CIDEA: variants seen among roughly 807,000 people sequenced by gnomAD.
CIDEA encodes cell death inducing DFFA like effector a, also known as lipid transferase CIDEA.
A neutral mutation model predicts 18.2 loss-of-function variants in CIDEA; 10 were observed. That is an observed-to-expected ratio of 0.55 (90% CI 0.34 to 0.93). The LOEUF (loss-of-function observed/expected upper bound fraction) is 0.93. CIDEA is among the 40% of genes least tolerant of loss of function. The pLI is 0.02. For synonymous variants in CIDEA, 128 were observed against 124.8 expected (o/e 1.03, Z -0.17); for missense variants, 309 against 293.1 (o/e 1.05, Z -0.40).
intron 1 of CIDEA, among the ~76,000 whole-genome samples, chr18:12,256,526 G>A (rs954371755): frequency 6.6e-6 from 1 of 152,216 alleles, no homozygotes; most frequent in Non-Finnish European, 1.5e-5. Context: ...TCCACATGCA[G>A]GTTGACTATC....
intron 1 of CIDEA, among the ~76,000 whole-genome samples, chr18:12,257,531 C>A (rs892992196): frequency 1.3e-5 from 2 of 152,208 alleles, no homozygotes; most frequent in Non-Finnish European, 2.9e-5. Context: ...GTGTATTTCA[C>A]ACACTTTTGG....
intron 2 of CIDEA, among the ~76,000 whole-genome samples, chr18:12,264,053 G>A (rs2144069054): frequency 6.6e-6 from 1 of 152,240 alleles, no homozygotes; most frequent in East Asian, 1.9e-4. Flanking sequence ...GATGCACTAT[G>A]ATTGTGTCTG....
At chr18:12,273,791 T>C (rs1912618116) in intron 3 of CIDEA, among the ~76,000 whole-genome samples, 1 of 152,152 alleles carries the variant, frequency 6.6e-6, no homozygotes, top group Non-Finnish European at 1.5e-5. Flanking sequence ...CCACCACTCA[T>C]CAGGGCACAT....
At chr18:12,260,914 G>A (rs765359611) in intron 1 of CIDEA, among the ~76,000 whole-genome samples, 1 of 152,172 alleles carries the variant, frequency 6.6e-6, no homozygotes, top group Non-Finnish European at 1.5e-5. Context: ...ACCTGTGGTA[G>A]GTGGGTGCTC....
rs1039435048 is a variant in CIDEA, at chr18:12,272,756, C to T, written c.331-1337C>T. 2.3e-5 allele frequency among the ~76,000 whole-genome samples: 3 copies of T among 129,404 alleles called. No homozygotes were observed. In the East Asian group the frequency reaches 6.0e-4, roughly 26 times the overall value. 84.9% of individuals were successfully genotyped at this position (129,404 alleles called of 152,430 possible). ...CTCACAAAATTTTATTTTCTTTTTC[C>T]TTCTTTTTTTTTTGACAAGGTCTTG... is the stretch of plus-strand genomic sequence containing the variant. On this transcript the variant is annotated intron_variant, in intron 3 of 4. Transcript: ENST00000320477.
At chr18:12,269,611 A>G (rs1028045195) in intron 3 of CIDEA, among the ~76,000 whole-genome samples, 4 of 152,246 alleles carry the variant, frequency 2.6e-5, no homozygotes, top group Non-Finnish European at 5.9e-5. Flanking sequence ...TGAGTTATGC[A>G]GGTTTTCCAA....
In CIDEA at chr18:12,277,112, C is replaced by T; in HGVS notation, c.513-11C>T. 1 of 1,613,672 alleles carries T rather than the reference C, an allele frequency of 6.2e-7. No homozygotes were observed. Among genetic ancestry groups the T allele is most frequent in the Non-Finnish European group, 8.5e-7 (1 of 1,179,684 alleles). Reference sequence around the variant, plus strand: ...CCCAAGCTAAAGCCTCCCCATCTGCCTCTGCCACAGGAGTCTGCTGCGGTT... The same window carrying T: ...CCCAAGCTAAAGCCTCCCCATCTGCTTCTGCCACAGGAGTCTGCTGCGGTT... On this transcript the variant is annotated splice_polypyrimidine_tract_variant and intron_variant, in intron 4 of 4. Coordinates refer to ENST00000320477, the MANE Select transcript of CIDEA (RefSeq NM_001279.4).
rs367941425 is a variant in CIDEA at position 12,274,288 on chromosome 18, G to C, written c.512+14G>C. 3.7e-6 allele frequency: 6 copies of C among 1,613,404 alleles called. No individual in the cohort carries two copies. The highest frequency in any genetic ancestry group is 5.1e-6 in the Non-Finnish European group (6 of 1,179,520). ...GGGCCTGCTGAGGTAACACACTCCA[G>C]GGGTCACCTCCGGGGGTCTGCAGAC... On this transcript the variant is annotated intron_variant, in intron 4 of 4. Coordinates refer to ENST00000320477, the MANE Select transcript of CIDEA (RefSeq NM_001279.4).
chr18:12,270,173 C>CA (rs1912473054), intron 3 of CIDEA, among the ~76,000 whole-genome samples: 1 of 152,050 alleles, frequency 6.6e-6, no homozygotes. Flanking sequence ...GGGGAAAACG[C>CA]ATGGCATAAA....
intron 3 of CIDEA, among the ~76,000 whole-genome samples, chr18:12,268,381 T>G (rs1158588996): frequency 1.7e-5 from 1 of 59,794 alleles, no homozygotes. Context: ...CCCCCAGTGG[T>G]TTTTTTTTTT....
chr18:12,254,864 C>T (rs142938525), intron 1 of CIDEA: 2 of 1,329,228 alleles, frequency 1.5e-6, no homozygotes, highest in Non-Finnish European at 2.0e-6. Context: ...ACAACGGGAG[C>T]TGGGCGCGGG....
At chr18:12,272,397 G>A (rs1282183177) in intron 3 of CIDEA, among the ~76,000 whole-genome samples, 2 of 152,080 alleles carry the variant, frequency 1.3e-5, no homozygotes, top group Non-Finnish European at 2.9e-5. Context: ...ATTTTTAGTA[G>A]AGACAGGGTT....
chr18:12,261,120 C>T (rs570060093), intron 1 of CIDEA, among the ~76,000 whole-genome samples: 10 of 152,308 alleles, frequency 6.6e-5, no homozygotes, highest in South Asian at 4.1e-4. Context: ...TGCTGGCTCA[C>T]GCCTGAAATC....
In CIDEA at chr18:12,277,324, A is replaced by C. The variant is rs1335850365; in HGVS notation, c.*54A>C. On this transcript the variant is annotated 3_prime_UTR_variant, in exon 5 of 5. Coordinates refer to ENST00000320477, the MANE Select transcript of CIDEA (RefSeq NM_001279.4). The stretch of plus-strand genomic sequence containing the variant: ...CAAACACTGTGTTTCGTTTGGCTCA[A>C]TGACGAATGTTGAAGATGCTTTTAT... The C allele has an allele frequency of 6.3e-7, 1 of 1,598,946 alleles. No individual in the cohort carries two copies. Among genetic ancestry groups the C allele is most frequent in the Admixed American group, 1.7e-5 (1 of 59,682 alleles).
chr18:12,263,000 C>A, intron 2 of CIDEA, 31 bp downstream of exon 2: 1 of 1,609,746 alleles, frequency 6.2e-7, no homozygotes, highest in South Asian at 1.1e-5. Context: ...CTCCCCCAGT[C>A]CACAGGGGTG....
chr18:12,271,055 C>T (rs1912513187), intron 3 of CIDEA, among the ~76,000 whole-genome samples: 2 of 151,826 alleles, frequency 1.3e-5, no homozygotes, highest in South Asian at 2.1e-4. Context: ...CCCACCACCA[C>T]GCCCGGCTAA....
At chr18:12,264,258 A>G in intron 2 of CIDEA, 49 bp from the exon 3 acceptor site, 2 of 1,492,758 alleles carry the variant, frequency 1.3e-6, no homozygotes, top group East Asian at 2.5e-5. Context: ...GGCTGGTCAC[A>G]TGGAAATACC....
chr18:12,276,986 CAG>C, intron 4 of CIDEA, 135 bp from the exon 5 acceptor site: 1 of 948,842 alleles, frequency 1.1e-6, no homozygotes, highest in Non-Finnish European at 1.6e-6. Context: ...CTCTGAGAGT[CAG>C]ACAGCCATGC....
chr18:12,262,423 C>A (rs915394878), intron 1 of CIDEA, among the ~76,000 whole-genome samples: 2 of 152,196 alleles, frequency 1.3e-5, no homozygotes, highest in African/African-American at 4.8e-5. Context: ...GCTATGTGCA[C>A]GTGTCTGAGT....
Sources: gnomAD v4.1 joint callset for allele counts (sites outside exome capture counted in the v4.1 genomes callset) on GRCh38, gnomAD v4.1.1 for gene constraint, MANE v1.5 for transcripts, NCBI Gene and HGNC (gene_info 2026-07-23, HGNC 2026-07-21) for gene names.